The following PCDHA11 variants were observed in gnomAD, a reference collection of about 807,000 sequenced individuals.
PCDHA11 encodes protocadherin alpha-11.
In PCDHA11, 61 loss-of-function variants were observed where a neutral mutation model predicts 70.3. The ratio of observed to expected loss-of-function variants is 0.87; its 90% CI spans 0.71 to 1.07. PCDHA11 has a LOEUF of 1.07. Ranked by LOEUF, PCDHA11 falls within the 50% of genes least tolerant of loss-of-function variation. The pLI is 0.00. For synonymous variants in PCDHA11, 633 were observed against 555.1 expected, an observed-to-expected ratio of 1.14 and a Z score of -1.97; for missense variants, 1,324 against 1,237.5, an observed-to-expected ratio of 1.07 and a Z score of -1.05.
intron 3 of PCDHA11, among the ~76,000 whole-genome samples, chr5:140,991,523 T>A (rs73268060): frequency 0.032 from 4,843 of 152,294 alleles, 263 homozygotes; most frequent in African/African-American, 0.11. Flanking sequence ...CAAGGTGTGT[T>A]CTTGCCACTA....
rs782761972 is a variant in PCDHA11, at chr5:140,927,978, T to C, written c.2392-50971T>C. 9.9e-6 allele frequency: 16 copies of C among 1,614,092 alleles called. No individual in the cohort carries two copies. In the East Asian group the frequency reaches 1.8e-4, roughly 18 times the overall value. ...CCCCTGGCACAGTGATTGCTCTCTTTAGTGTAAAGGATGAAGACCTCGATT... is the reference window on the plus strand; with the variant it reads ...CCCCTGGCACAGTGATTGCTCTCTTCAGTGTAAAGGATGAAGACCTCGATT... On this transcript the variant is annotated intron_variant, in intron 1 of 3. Coordinates refer to ENST00000398640, the MANE Select transcript of PCDHA11 (RefSeq NM_018902.5).
At chr5:140,971,434 A>T (rs1243393478) in intron 1 of PCDHA11, among the ~76,000 whole-genome samples, 1 of 152,188 alleles carries the variant, frequency 6.6e-6, no homozygotes, top group Non-Finnish European at 1.5e-5. Flanking sequence ...GAACCCCAAG[A>T]TCTACAGCTC....
intron 1 of PCDHA11, among the ~76,000 whole-genome samples, chr5:140,936,528 T>C (rs2091012406): frequency 6.6e-6 from 1 of 152,244 alleles, no homozygotes; most frequent in Non-Finnish European, 1.5e-5. Flanking sequence ...TGAAATTGCT[T>C]TTGAATATAG....
chr5:141,005,701 CAAAAA>C (rs59860837), intron 3 of PCDHA11, among the ~76,000 whole-genome samples: 1 of 7,786 alleles, frequency 1.3e-4, no homozygotes, highest in Non-Finnish European at 2.7e-4. Context: ...AACTCCGTCT[CAAAAA>C]AAAAAAAAAA....
In PCDHA11 at chr5:140,980,214, C is replaced by T. The variant is rs2096880494; in HGVS notation, c.2450+1207C>T. 2.0e-5 allele frequency among the ~76,000 whole-genome samples: 3 copies of T among 152,212 alleles called. No homozygotes were observed. The South Asian group carries it at 6.2e-4, about 31-fold the overall frequency. The stretch of plus-strand genomic sequence containing the variant: ...ATTAGAGACCAACTTGTGCTTTTGC[C>T]TGCATCTGAGCTGTTGGTGGAGACA... On this transcript the variant is annotated intron_variant, in intron 2 of 3. Transcript: ENST00000398640.
rs558780713 is a variant in PCDHA11, at chr5:140,870,170, T to C, written c.1067T>C (p.Leu356Pro). ...SPEVAVTSLS[L>P]PVREDAQPST... ...GAAGTCGCCGTGACTTCCTTGTCCCTCCCAGTACGAGAGGACGCTCAGCCC... is the reference window on the plus strand; with the variant it reads ...GAAGTCGCCGTGACTTCCTTGTCCCCCCCAGTACGAGAGGACGCTCAGCCC... Residue 356 changes from leucine (L) to proline (P), a missense_variant, in exon 1 of 4, where the codon CTC becomes CCC. Physicochemically the swap from Leu to Pro is moderately conservative, Grantham distance 98. Coordinates refer to ENST00000398640, the MANE Select transcript of PCDHA11 (RefSeq NM_018902.5). 8 of 1,614,100 alleles carry C rather than the reference T, an allele frequency of 5.0e-6. No homozygotes were observed. In the Admixed American group the frequency reaches 1.0e-4, roughly 20 times the overall value.
intron 1 of PCDHA11, among the ~76,000 whole-genome samples, chr5:140,939,679 T>A (rs2092435989): frequency 6.6e-6 from 1 of 152,196 alleles, no homozygotes; most frequent in South Asian, 2.1e-4. Context: ...TGTATGTATG[T>A]GTGTGTTGCT....
intron 1 of PCDHA11, among the ~76,000 whole-genome samples, chr5:140,889,804 G>A (rs940898112): frequency 1.3e-5 from 2 of 152,112 alleles, no homozygotes; most frequent in African/African-American, 2.4e-5. Context: ...TGGGATTTAT[G>A]AAGTCAGGTC....
At chr5:140,880,496 A>G (rs965874952) in intron 1 of PCDHA11, among the ~76,000 whole-genome samples, 4 of 152,206 alleles carry the variant, frequency 2.6e-5, no homozygotes, top group African/African-American at 4.8e-5. Flanking sequence ...AGAGCAATTG[A>G]ATTTCTGTTT....
intron 1 of PCDHA11, among the ~76,000 whole-genome samples, chr5:140,902,174 T>C (rs1191904492): frequency 1.3e-5 from 2 of 151,720 alleles, no homozygotes; most frequent in Non-Finnish European, 2.9e-5. Context: ...AATTTGGATG[T>C]CCTTTATGTC....
chr5:140,904,742 T>G (rs1300439121), intron 1 of PCDHA11, among the ~76,000 whole-genome samples: 1 of 152,216 alleles, frequency 6.6e-6, no homozygotes, highest in African/African-American at 2.4e-5. Context: ...TTTTTTATTA[T>G]GACCATTTTT....
At chr5:140,985,072 A>C (rs2097134751) in intron 3 of PCDHA11, among the ~76,000 whole-genome samples, 1 of 151,864 alleles carries the variant, frequency 6.6e-6, no homozygotes, top group Admixed American at 6.6e-5. Flanking sequence ...TGAGTAGCTG[A>C]GACTACAGGC....
At chr5:140,914,921 T>C (rs895344325) in intron 1 of PCDHA11, among the ~76,000 whole-genome samples, 1 of 151,508 alleles carries the variant, frequency 6.6e-6, no homozygotes, top group Non-Finnish European at 1.5e-5. Context: ...TGTGTCTTAT[T>C]GTACTATGTT....
chr5:140,955,297 T>C (rs2153705828), intron 1 of PCDHA11, among the ~76,000 whole-genome samples: 1 of 152,262 alleles, frequency 6.6e-6, no homozygotes, highest in East Asian at 1.9e-4. Context: ...TTTGGCTGTG[T>C]CCCCACCCAA....
intron 1 of PCDHA11, among the ~76,000 whole-genome samples, chr5:140,879,621 T>G (rs1050176793): frequency 5.9e-5 from 9 of 152,076 alleles, no homozygotes; most frequent in African/African-American, 2.2e-4. Context: ...GGTACTTAGG[T>G]GGGTAAGTGT....
In PCDHA11 at chr5:140,927,982, G is replaced by T. The variant is rs114786796; in HGVS notation, c.2392-50967G>T. 280 of 1,614,224 alleles carry T rather than the reference G, an allele frequency of 1.7e-4. No individual in the cohort carries two copies. The African/African-American group carries it at 3.0e-3, about 17-fold the overall frequency. On this transcript the variant is annotated intron_variant, in intron 1 of 3. Transcript: ENST00000398640. ...TGGCACAGTGATTGCTCTCTTTAGT[G>T]TAAAGGATGAAGACCTCGATTCTAA...
In PCDHA11 at chr5:140,971,294, T is replaced by C. The variant is rs3776113; in HGVS notation, c.2392-7655T>C. Reference sequence around the variant, plus strand: ...CTGACCTGTATATTAATATGTACTTTGGTACACAAACATTTAATCTAGGGA... The same window carrying C: ...CTGACCTGTATATTAATATGTACTTCGGTACACAAACATTTAATCTAGGGA... On this transcript the variant is annotated intron_variant, in intron 1 of 3. Transcript: ENST00000398640. Among the ~76,000 whole-genome samples the C allele has an allele frequency of 6.4e-4, 97 of 152,362 alleles. No individual in the cohort carries two copies. In the East Asian group the frequency reaches 0.018, roughly 28 times the overall value.
chr5:140,890,621 A>G (rs1209531386), intron 1 of PCDHA11, among the ~76,000 whole-genome samples: 1 of 152,174 alleles, frequency 6.6e-6, no homozygotes, highest in Non-Finnish European at 1.5e-5. Context: ...TACCCTAGAA[A>G]ATTAAGCATG....
At chr5:140,933,220 T>G (rs1179526168) in intron 1 of PCDHA11, among the ~76,000 whole-genome samples, 3 of 151,968 alleles carry the variant, frequency 2.0e-5, no homozygotes, top group African/African-American at 7.2e-5. Flanking sequence ...TCTGTTATAT[T>G]GCATTTATGA....
Sources: allele counts gnomAD v4.1 joint callset (sites outside exome capture counted in the v4.1 genomes callset), GRCh38; gene constraint gnomAD v4.1.1; transcripts MANE v1.5; gene names NCBI Gene and HGNC (gene_info 2026-07-23, HGNC 2026-07-21).